SNRPN: variants seen among roughly 807,000 people sequenced by gnomAD.
The protein encoded by SNRPN is small nuclear ribonucleoprotein-associated protein N.
In SNRPN, 7 loss-of-function variants were observed where a neutral mutation model predicts 25.2. The ratio of observed to expected loss-of-function variants is 0.28; its 90% CI spans 0.16 to 0.52. The LOEUF is 0.52. Among genes scored for constraint, SNRPN ranks in the 20% least tolerant of loss-of-function variants. The probability of loss-of-function intolerance (pLI) is 0.96; values close to 1 mark genes in which losing one functional copy is unlikely to be tolerated. For missense variants in SNRPN, 196 were observed against 322.5 expected (o/e 0.61, Z 3.00); for synonymous variants, 124 against 110.6 (o/e 1.12, Z -0.76).
intron 1 of SNRPN, among the ~76,000 whole-genome samples, chr15:24,958,500 T>G (rs1391988323): frequency 7.5e-6 from 1 of 133,692 alleles, no homozygotes; most frequent in Non-Finnish European, 1.6e-5. Flanking sequence ...TTTTTTTTTT[T>G]TTTTTTTTTT....
intron 3 of SNRPN, among the ~76,000 whole-genome samples, chr15:24,945,009 C>G (rs2061787770): frequency 6.6e-6 from 1 of 152,148 alleles, no homozygotes; most frequent in African/African-American, 2.4e-5. Context: ...AAATGTTAAT[C>G]CCATCTCAAA....
At chr15:24,902,956 C>T (rs1368426620) in intron 2 of SNRPN, among the ~76,000 whole-genome samples, 1 of 152,218 alleles carries the variant, frequency 6.6e-6, no homozygotes, top group Non-Finnish European at 1.5e-5. Context: ...TGGCCCTGCC[C>T]ATGTCCTGCT....
intron 2 of SNRPN, among the ~76,000 whole-genome samples, chr15:24,905,988 G>A (rs1362343319): frequency 1.3e-5 from 2 of 152,148 alleles, no homozygotes; most frequent in African/African-American, 4.8e-5. Context: ...CAAGGTTAAC[G>A]AGTGAGACTC....
At chr15:24,935,003 G>A (rs1423423302) in intron 3 of SNRPN, among the ~76,000 whole-genome samples, 1 of 152,170 alleles carries the variant, frequency 6.6e-6, no homozygotes, top group Non-Finnish European at 1.5e-5. Flanking sequence ...CGGGTTCAGT[G>A]GCTCACACCT....
At chr15:24,841,492 C>G (rs1595402982) in intron 2 of SNRPN, among the ~76,000 whole-genome samples, 1 of 152,164 alleles carries the variant, frequency 6.6e-6, no homozygotes, top group Non-Finnish European at 1.5e-5. Context: ...AATTATTCTC[C>G]TAAAAGGACC....
chr15:24,888,018 G>A (rs1455964657), intron 2 of SNRPN, among the ~76,000 whole-genome samples: 1 of 151,968 alleles, frequency 6.6e-6, no homozygotes, highest in South Asian at 2.1e-4. Context: ...ATTAGTTAAT[G>A]TCACTGAACT....
At chr15:24,857,375 AT>A (rs1174932705) in intron 1 of SNRPN, among the ~76,000 whole-genome samples, 9 of 151,796 alleles carry the variant, frequency 5.9e-5, no homozygotes, top group South Asian at 2.1e-4. Flanking sequence ...ATAGATATAT[AT>A]TTTTTTCTTA....
chr15:24,855,325 C>T (rs1266270862), upstream of SNRPN, among the ~76,000 whole-genome samples: 6 of 152,070 alleles, frequency 3.9e-5, no homozygotes, highest in Admixed American at 2.6e-4. Flanking sequence ...CTCAAGAGGT[C>T]GGCACTAGTT....
chr15:24,969,871 T>C (rs1337308160), intron 3 of SNRPN, among the ~76,000 whole-genome samples: 1 of 152,230 alleles, frequency 6.6e-6, no homozygotes, highest in East Asian at 1.9e-4. Context: ...CTCAGTTCAT[T>C]TATTATGTTA....
Position 24,947,348 on chromosome 15 carries a change from A to G in SNRPN, c.-390-14766A>G, listed in dbSNP as rs576701504. 6.6e-5 allele frequency among the ~76,000 whole-genome samples: 10 copies of G among 152,298 alleles called. No individual in the cohort carries two copies. The South Asian group carries it at 1.7e-3, about 25-fold the overall frequency. On this transcript the variant is annotated intron_variant, in intron 3 of 11. Coordinates refer to the SNRPN transcript ENST00000400097. ...TATTTTGTATTTAAAACATAACCTG[A>G]GGCTGGGTGCGGTGGCTCACGCCTG...
intron 4 of SNRPN, 131 bp downstream of exon 4, chr15:24,974,587 T>C (rs1275914331): frequency 2.3e-6 from 2 of 863,980 alleles, no homozygotes; most frequent in Non-Finnish European, 4.0e-6. Context: ...TGGATTCTCA[T>C]TGCATTGAGT....
At chr15:24,858,944 AC>A (rs2053718754) in intron 1 of SNRPN, among the ~76,000 whole-genome samples, 1 of 151,786 alleles carries the variant, frequency 6.6e-6, no homozygotes, top group Non-Finnish European at 1.5e-5. Flanking sequence ...GCTTATCAGT[AC>A]CAGCTCACAT....
intron 2 of SNRPN, chr15:24,908,908 C>T: frequency 2.2e-6 from 2 of 916,040 alleles, no homozygotes; most frequent in Non-Finnish European, 1.7e-6. Context: ...TCTGAAAAAT[C>T]ATCATAGAAA....
chr15:24,863,280 T>C (rs901493330), intron 1 of SNRPN, among the ~76,000 whole-genome samples: 1 of 150,628 alleles, frequency 6.6e-6, no homozygotes. Context: ...CCACCTTGCA[T>C]CACAGGGTGA....
intron 6 of SNRPN, 132 bp downstream of exon 6, chr15:24,976,548 T>C: frequency 1.4e-6 from 1 of 721,936 alleles, no homozygotes; most frequent in South Asian, 1.7e-5. Flanking sequence ...GCACTTAATA[T>C]CAATTGTTGG....
At chr15:24,954,845 C>G (rs77659149), upstream of SNRPN, 46,159 of 689,886 alleles carry the variant, frequency 0.067, 1,929 homozygotes, top group Non-Finnish European at 0.089. Context: ...GCCCCCTCCC[C>G]CCAGGTCATT....
intron 3 of SNRPN, 190 bp downstream of exon 3, chr15:24,968,272 G>T: frequency 4.2e-6 from 2 of 480,468 alleles, no homozygotes; most frequent in East Asian, 3.8e-5. Context: ...TCATGTTTCT[G>T]TATTCCAGTT....
chr15:24,947,582 C>T (rs990907995), intron 3 of SNRPN, among the ~76,000 whole-genome samples: 37 of 152,110 alleles, frequency 2.4e-4, no homozygotes, highest in African/African-American at 8.4e-4. Context: ...GAGCTGAGAT[C>T]GTGCTATTGC....
chr15:24,873,335 T>C (rs2055401849), intron 1 of SNRPN, among the ~76,000 whole-genome samples: 1 of 119,270 alleles, frequency 8.4e-6, no homozygotes, highest in Non-Finnish European at 1.8e-5. Flanking sequence ...TGTTTCTTTT[T>C]TTTTTTTTTG....
Sources: gnomAD v4.1 joint callset for allele counts (sites outside exome capture counted in the v4.1 genomes callset) on GRCh38, gnomAD v4.1.1 for gene constraint, MANE v1.5 for transcripts, NCBI Gene and HGNC (gene_info 2026-07-23, HGNC 2026-07-21) for gene names.